The following KCNN1 variants were observed in gnomAD, a reference collection of about 807,000 sequenced individuals.
KCNN1 encodes potassium calcium-activated channel subfamily N member 1.
A neutral mutation model predicts 44.7 loss-of-function variants in KCNN1; 20 were observed. The observed-to-expected ratio is 0.45, with a 90% confidence interval of 0.32 to 0.65. The LOEUF (loss-of-function observed/expected upper bound fraction) is 0.65. KCNN1 is among the 30% of genes least tolerant of loss of function. KCNN1 has a pLI of 0.05. For missense variants in KCNN1, 632 were observed against 785.3 expected (o/e 0.80, Z 2.33); for synonymous variants, 324 against 341.7 (o/e 0.95, Z 0.57).
At chr19:17,985,248 T>G in intron 4 of KCNN1, 64 bp from the exon 5 acceptor site, 1 of 1,440,934 alleles carries the variant, frequency 6.9e-7, no homozygotes, top group Non-Finnish European at 9.2e-7. Flanking sequence ...CCCCAGGGGG[T>G]GTGATGGAGG....
intron 1 of KCNN1, among the ~76,000 whole-genome samples, chr19:17,951,614 C>T (rs1033958433): frequency 6.6e-6 from 1 of 152,154 alleles, no homozygotes; most frequent in Non-Finnish European, 1.5e-5. Flanking sequence ...CAAGAGGTTC[C>T]TAATCGCGCA....
At position 17,993,508 on chromosome 19, in the gene KCNN1, C is replaced by T. The variant is rs769707307; in HGVS notation, c.1326C>T (p.Ile442=). The T allele has an allele frequency of 4.0e-5, 65 of 1,613,760 alleles. No homozygotes were observed. Among genetic ancestry groups the T allele is most frequent in the Admixed American group, 3.2e-4 (19 of 60,002 alleles). ...HQAQKLRSVK[I]EQGKLNDQAN... ...CCCACAGGCTCCGGAGTGTGAAGAT[C>T]GAGCAAGGGAAGCTGAACGACCAGG... The change falls in exon 9 of 10, where the codon ATC becomes ATT. Residue 442 remains isoleucine (I), a synonymous_variant. Transcript: ENST00000684775. The surrounding 1 kb of genome is among the most constrained non-coding windows in gnomAD (Gnocchi z 4.5).
At chr19:17,996,985 C>G (rs2033018309) in intron 9 of KCNN1, among the ~76,000 whole-genome samples, 3 of 152,206 alleles carry the variant, frequency 2.0e-5, no homozygotes, top group South Asian at 4.1e-4. Flanking sequence ...CCTGACCCAG[C>G]TGCGCTCAGA....
chr19:17,966,560 C>T (rs2031813914), upstream of KCNN1, among the ~76,000 whole-genome samples: 2 of 152,090 alleles, frequency 1.3e-5, no homozygotes, highest in East Asian at 3.9e-4. Flanking sequence ...CTGATCCAGA[C>T]GGGCGTCTCT....
chr19:17,998,255 C>G lies in KCNN1; in HGVS notation c.1481C>G (p.Ala494Gly). Reference sequence around the variant, plus strand: ...GAAAGCCGCTTGGATGCGCTGGGTGCCTCTCTACAGGCCCTGCCTGGCCTC... The same window carrying G: ...GAAAGCCGCTTGGATGCGCTGGGTGGCTCTCTACAGGCCCTGCCTGGCCTC... ...TLESRLDALG[A>G]SLQALPGLIA... Residue 494 changes from alanine (A) to glycine (G), a missense_variant, in exon 10 of 10, where the codon GCC (alanine) becomes GGC (glycine). Transcript: ENST00000684775. The surrounding 1 kb of genome is among the most constrained non-coding windows in gnomAD (Gnocchi z 5.4). The G allele has an allele frequency of 1.3e-6, 2 of 1,565,884 alleles. No homozygotes were observed. Among genetic ancestry groups the G allele is most frequent in the Non-Finnish European group, 1.7e-6 (2 of 1,158,468 alleles).
chr19:17,953,830 G>A (rs973180032), intron 1 of KCNN1, among the ~76,000 whole-genome samples: 3 of 152,216 alleles, frequency 2.0e-5, no homozygotes, highest in Non-Finnish European at 4.4e-5. Flanking sequence ...CTTGGGGGCC[G>A]AAGGTGGGAG....
intron 2 of KCNN1, among the ~76,000 whole-genome samples, chr19:17,959,193 T>C (rs2031620116): frequency 6.6e-6 from 1 of 151,836 alleles, no homozygotes; most frequent in Non-Finnish European, 1.5e-5. Flanking sequence ...CCCAGCTAAT[T>C]TTTTGTATTT....
At chr19:17,963,800 A>C (rs1180337856), upstream of KCNN1, among the ~76,000 whole-genome samples, 1 of 150,018 alleles carries the variant, frequency 6.7e-6, no homozygotes, top group Admixed American at 6.7e-5. Context: ...ATCACAGCTC[A>C]CTGTGGTCTC....
intron 1 of KCNN1, among the ~76,000 whole-genome samples, chr19:17,969,639 G>A (rs77850663): frequency 0.044 from 6,758 of 152,296 alleles, 229 homozygotes; most frequent in Middle Eastern, 0.092. Context: ...TGGCCCATGC[G>A]TCGGGTGGCT....
chr19:17,982,333 C>A (rs1026019851), intron 4 of KCNN1, among the ~76,000 whole-genome samples: 1 of 152,042 alleles, frequency 6.6e-6, no homozygotes, highest in Non-Finnish European at 1.5e-5. Context: ...ACCCTGTGTC[C>A]CCAGCTGCCC....
At chr19:17,978,258 C>T (rs534556577) in intron 3 of KCNN1, among the ~76,000 whole-genome samples, 4 of 149,808 alleles carry the variant, frequency 2.7e-5, no homozygotes, top group Non-Finnish European at 5.9e-5. Flanking sequence ...TCCTGAGTAG[C>T]TGGGATTACA....
At chr19:17,960,367 C>A (rs1449566868) in intron 2 of KCNN1, among the ~76,000 whole-genome samples, 1 of 151,914 alleles carries the variant, frequency 6.6e-6, no homozygotes, top group Non-Finnish European at 1.5e-5. Context: ...GGGTGGCTCA[C>A]GGCTGTAATC....
upstream of KCNN1, among the ~76,000 whole-genome samples, chr19:17,964,217 C>CAGCTTCCATCCT (rs1461128002): frequency 6.6e-6 from 1 of 152,244 alleles, no homozygotes; most frequent in African/African-American, 2.4e-5. The surrounding 1 kb of genome is among the most constrained non-coding windows in gnomAD (Gnocchi z 4.3). Flanking sequence ...GCCCAGGTTC[C>CAGCTTCCATCCT]AGCTTCCATC....
chr19:17,973,993 AC>A lies in KCNN1; in HGVS notation c.110del (p.Pro37ArgfsTer9). ...ACCCTGAGGCCGGCCACCCCCCACAACCCCCGCACAGCCCGGGCCTCCAGGT... is the reference window on the plus strand; with the variant it reads ...ACCCTGAGGCCGGCCACCCCCCACAACCCCGCACAGCCCGGGCCTCCAGGT... The part of the protein sequence containing the change: ...PDPEAGHPPQ[P>X]PHSPGLQVVV... On this transcript the variant is annotated frameshift_variant, in exon 2 of 10. Coordinates refer to ENST00000684775, the MANE Select transcript of KCNN1 (RefSeq NM_001386974.1). 6.3e-7 allele frequency: 1 copy of A among 1,581,558 alleles called. No individual in the cohort carries two copies. The highest frequency in any genetic ancestry group is 8.6e-7 in the Non-Finnish European group (1 of 1,165,866).
chr19:17,963,709 C>T (rs139088270), upstream of KCNN1, among the ~76,000 whole-genome samples: 6 of 151,466 alleles, frequency 4.0e-5, no homozygotes, highest in East Asian at 1.2e-3. Flanking sequence ...TGGATCTCTT[C>T]CTGATACTTC....
chr19:17,987,183 C>G (rs1243943888), intron 5 of KCNN1, among the ~76,000 whole-genome samples: 1 of 151,652 alleles, frequency 6.6e-6, no homozygotes, highest in Non-Finnish European at 1.5e-5. Context: ...GATCTCAGCT[C>G]ACTGCAACCT....
At chr19:17,963,475 C>T (rs141125733), upstream of KCNN1, among the ~76,000 whole-genome samples, 5,793 of 152,006 alleles carry the variant, frequency 0.038, 115 homozygotes, top group Middle Eastern at 0.065. Context: ...CCAACACACC[C>T]GGCTAATTTT....
At chr19:17,989,948 G>A in intron 7 of KCNN1, 105 bp downstream of exon 7, 2 of 1,554,122 alleles carry the variant, frequency 1.3e-6, no homozygotes, top group East Asian at 2.3e-5. Flanking sequence ...AGGGACGGGT[G>A]GTCAGTTGGT....
intron 2 of KCNN1, among the ~76,000 whole-genome samples, chr19:17,957,562 A>C (rs1018649758): frequency 7.2e-5 from 11 of 152,102 alleles, no homozygotes; most frequent in African/African-American, 2.4e-4. Flanking sequence ...TACCCAGCAG[A>C]GGGAACCACA....
Sources: gnomAD v4.1 joint callset for allele counts (sites outside exome capture counted in the v4.1 genomes callset) on GRCh38, gnomAD v4.1.1 for gene constraint, Gnocchi (gnomAD v3.1) non-coding constraint, MANE v1.5 for transcripts, NCBI Gene and HGNC (gene_info 2026-07-23, HGNC 2026-07-21) for gene names.